Variants in CAMK2D observed in about 807,000 individuals in gnomAD.
CAMK2D encodes calcium/calmodulin-dependent protein kinase type II subunit delta.
Under a neutral mutation model 84.0 loss-of-function variants are expected in CAMK2D, and 37 were observed. The observed-to-expected ratio is 0.44, with a 90% confidence interval of 0.34 to 0.58. The LOEUF is 0.58. CAMK2D is among the 20% of genes least tolerant of loss of function. The pLI is 0.02. For missense variants in CAMK2D, 448 were observed against 652.5 expected (o/e 0.69, Z 3.41); for synonymous variants, 202 against 212.5 (o/e 0.95, Z 0.43).
At chr4:113,535,445 T>G (rs1179640723) in intron 7 of CAMK2D, among the ~76,000 whole-genome samples, 1 of 152,182 alleles carries the variant, frequency 6.6e-6, no homozygotes, top group Non-Finnish European at 1.5e-5. Flanking sequence ...TAAATCATCT[T>G]CTATACTTCT....
intron 4 of CAMK2D, among the ~76,000 whole-genome samples, chr4:113,578,408 T>C (rs1245535434): frequency 6.6e-6 from 1 of 152,204 alleles, no homozygotes; most frequent in Non-Finnish European, 1.5e-5. Flanking sequence ...AGTAGGTTAA[T>C]GACCAAGCCA....
At chr4:113,604,385 C>G (rs889613661) in intron 4 of CAMK2D, among the ~76,000 whole-genome samples, 1 of 152,158 alleles carries the variant, frequency 6.6e-6, no homozygotes, top group African/African-American at 2.4e-5. Context: ...CTGTTATGCT[C>G]TCTTTTCAGT....
chr4:113,580,452 CCA>C lies in CAMK2D; in HGVS notation c.276-28358_276-28357del, dbSNP rs565399172. 3.7e-3 allele frequency among the ~76,000 whole-genome samples: 562 copies of C among 152,248 alleles called. 4 individuals carry two copies. Among genetic ancestry groups the C allele is most frequent in the African/African-American group, 0.013 (541 of 41,538 alleles). On this transcript the variant is annotated intron_variant, in intron 4 of 20. Coordinates refer to ENST00000511664, the MANE Select transcript of CAMK2D (RefSeq NM_001321571.2). ...TTTAGTACTGATTCAGTAAGATGTA[CCA>C]CATTTTCTTAACCGTAGATATAACT...
At chr4:113,612,105 G>T (rs9992778) in intron 3 of CAMK2D, among the ~76,000 whole-genome samples, 4,386 of 152,106 alleles carry the variant, frequency 0.029, 219 homozygotes, top group African/African-American at 0.099. Flanking sequence ...AACAAAAGTA[G>T]ATACTATAGT....
intron 3 of CAMK2D, 149 bp downstream of exon 3, chr4:113,661,564 G>T: frequency 2.3e-6 from 1 of 441,262 alleles, no homozygotes. Context: ...GGAAAACTTT[G>T]AGGTATCAAA....
chr4:113,460,955 A>G (rs572512764), intron 17 of CAMK2D, among the ~76,000 whole-genome samples: 2 of 152,238 alleles, frequency 1.3e-5, no homozygotes, highest in East Asian at 3.9e-4. Flanking sequence ...CTCCCAAAGT[A>G]TGGGATTACA....
Position 113,452,448 on chromosome 4 carries a change from A to G in CAMK2D, c.*2097T>C, listed in dbSNP as rs1182972618. 6.6e-6 allele frequency: 1 copy of G among 152,612 alleles called. No homozygotes were observed. Among genetic ancestry groups the G allele is most frequent in the Non-Finnish European group, 1.5e-5 (1 of 68,044 alleles). The allele number at this position is 152,612 out of a possible 1,614,324, so 9.5% of individuals were successfully genotyped here. On this transcript the variant is annotated 3_prime_UTR_variant, in exon 21 of 21. Coordinates refer to ENST00000511664, the MANE Select transcript of CAMK2D (RefSeq NM_001321571.2). Reference sequence around the variant, plus strand: ...AAATCACAAATTTATTAACTCTTAAATATATCAATCAGTCCTTTACCATTA... The same window carrying G: ...AAATCACAAATTTATTAACTCTTAAGTATATCAATCAGTCCTTTACCATTA...
chr4:113,619,436 C>G (rs1032621789), intron 3 of CAMK2D, among the ~76,000 whole-genome samples: 3 of 152,158 alleles, frequency 2.0e-5, no homozygotes, highest in South Asian at 2.1e-4. Flanking sequence ...CTTACTGTCT[C>G]TGAGTAAGAG....
At chr4:113,624,867 A>G (rs2099061135) in intron 3 of CAMK2D, among the ~76,000 whole-genome samples, 1 of 152,234 alleles carries the variant, frequency 6.6e-6, no homozygotes, top group Non-Finnish European at 1.5e-5. Context: ...ACAAATAGGC[A>G]CCATAAGAAT....
chr4:113,463,380 T>G (rs1283352449), intron 17 of CAMK2D, among the ~76,000 whole-genome samples: 1 of 152,226 alleles, frequency 6.6e-6, no homozygotes, highest in Admixed American at 6.5e-5. Context: ...TATTTATTTA[T>G]TTGTTTATTT....
intron 2 of CAMK2D, among the ~76,000 whole-genome samples, chr4:113,670,070 G>T (rs2099273772): frequency 6.6e-6 from 1 of 152,132 alleles, no homozygotes; most frequent in African/African-American, 2.4e-5. Context: ...CACAAGGTCA[G>T]GAGTTCGTGA....
At chr4:113,661,831 A>G (rs1014926946) in intron 2 of CAMK2D, 59 bp from the exon 3 acceptor site, 137 of 804,962 alleles carry the variant, frequency 1.7e-4, no homozygotes, top group Middle Eastern at 5.9e-4. Flanking sequence ...AAAACACAAT[A>G]AACAGCATAA....
At chr4:113,455,322 G>C (rs1483769809) in intron 20 of CAMK2D, among the ~76,000 whole-genome samples, 1 of 152,100 alleles carries the variant, frequency 6.6e-6, no homozygotes, top group East Asian at 1.9e-4. Flanking sequence ...ATTCGCCATA[G>C]CCAGCTGCTT....
At chr4:113,553,160 C>T (rs749205365) in intron 4 of CAMK2D, among the ~76,000 whole-genome samples, 20 of 152,096 alleles carry the variant, frequency 1.3e-4, no homozygotes, top group Non-Finnish European at 2.8e-4. Context: ...CACAATTGCC[C>T]GCCGAGCAAT....
intron 2 of CAMK2D, among the ~76,000 whole-genome samples, chr4:113,753,139 C>A (rs1284489576): frequency 1.3e-5 from 2 of 151,992 alleles, no homozygotes; most frequent in Non-Finnish European, 2.9e-5. Context: ...TATACAAGAG[C>A]CTCAGTATTC....
chr4:113,646,506 C>G (rs543461081), intron 3 of CAMK2D, among the ~76,000 whole-genome samples: 11 of 152,184 alleles, frequency 7.2e-5, no homozygotes, highest in Non-Finnish European at 1.5e-4. Context: ...TCACACACAG[C>G]TGTCAGGGCA....
chr4:113,494,803 G>A (rs1353586332), intron 16 of CAMK2D, among the ~76,000 whole-genome samples: 22 of 152,288 alleles, frequency 1.4e-4, no homozygotes, highest in South Asian at 4.1e-4. Flanking sequence ...CTCCGTGGGC[G>A]TAGGACCCTC....
At chr4:113,636,773 A>G (rs911570958) in intron 3 of CAMK2D, among the ~76,000 whole-genome samples, 1 of 152,078 alleles carries the variant, frequency 6.6e-6, no homozygotes, top group Non-Finnish European at 1.5e-5. Flanking sequence ...TCTAAATCTA[A>G]TTACCTCTAA....
intron 9 of CAMK2D, among the ~76,000 whole-genome samples, chr4:113,515,614 G>A (rs574947412): frequency 6.6e-6 from 1 of 152,218 alleles, no homozygotes; most frequent in South Asian, 2.1e-4. Flanking sequence ...ATGATATTAT[G>A]CCAAGGTTCA....
Sources: gnomAD v4.1 joint callset for allele counts (sites outside exome capture counted in the v4.1 genomes callset) on GRCh38, gnomAD v4.1.1 for gene constraint, MANE v1.5 for transcripts, NCBI Gene and HGNC (gene_info 2026-07-23, HGNC 2026-07-21) for gene names.